The following FIGLA variants were observed in gnomAD, a reference collection of about 807,000 sequenced individuals.
The protein encoded by FIGLA is folliculogenesis specific bHLH transcription factor.
In FIGLA, 17 loss-of-function variants were observed where a neutral mutation model predicts 21.5. The ratio of observed to expected loss-of-function variants is 0.79; its 90% CI spans 0.54 to 1.19. The LOEUF (loss-of-function observed/expected upper bound fraction) is 1.19. Among genes scored for constraint, FIGLA ranks in the 50% most tolerant of loss-of-function variants. FIGLA has a pLI of 0.00. For missense variants in FIGLA, 282 were observed against 285.0 expected (o/e 0.99, Z 0.08); for synonymous variants, 129 against 117.6 (o/e 1.10, Z -0.63).
At chr2:70,782,108 G>A (rs1675866581) in intron 3 of FIGLA, among the ~76,000 whole-genome samples, 1 of 152,112 alleles carries the variant, frequency 6.6e-6, no homozygotes, top group Admixed American at 6.5e-5. Context: ...TGTTTGATGA[G>A]TAATGAGATC....
intron 3 of FIGLA, among the ~76,000 whole-genome samples, chr2:70,780,256 T>G (rs1331026621): frequency 6.6e-6 from 1 of 151,912 alleles, no homozygotes; most frequent in Non-Finnish European, 1.5e-5. Context: ...AAAACGCCCA[T>G]CCCTGCCACT....
rs1342697469 is a variant in FIGLA at position 70,790,618 on chromosome 2, G to A, written c.21C>T (p.Val7=). MDPAPG[V]LDPRAAPPAL... is the part of the protein sequence containing the mutation. Reference sequence around the variant, plus strand: ...CGGGCGGCGCGGCGCGGGGATCTAGGACGCCGGGCGCGGGGTCCATGGCAG... The same window carrying A: ...CGGGCGGCGCGGCGCGGGGATCTAGAACGCCGGGCGCGGGGTCCATGGCAG... Residue 7 remains valine, a synonymous_variant, in exon 1 of 5, where the codon GTC becomes GTT. Transcript: ENST00000332372. The A allele has an allele frequency of 1.3e-5, 18 of 1,426,206 alleles. No homozygotes were observed. The highest frequency in any genetic ancestry group is 3.0e-5 in the African/African-American group (2 of 67,046). 88.3% of individuals were successfully genotyped at this position (1,426,206 alleles called of 1,614,324 possible). A position where few individuals can be genotyped will look rare whatever the true frequency, so the allele number is the denominator to read the frequency against.
At chr2:70,786,883 T>A (rs185724683) in intron 2 of FIGLA, among the ~76,000 whole-genome samples, 1 of 152,178 alleles carries the variant, frequency 6.6e-6, no homozygotes, top group Non-Finnish European at 1.5e-5. Context: ...ATTCTAATGA[T>A]GATTCCTTCC....
Position 70,785,422 on chromosome 2 carries a change from C to A in FIGLA, c.602G>T (p.Arg201Ile), listed in dbSNP as rs1553389776. The change falls in exon 3 of 5, where the codon AGA becomes ATA. Residue 201 changes from arginine to isoleucine, a missense_variant. Transcript: ENST00000332372. ...MSTTEIISPT[R>I]SLDRFPEVEL... ...TAAGAAGGAATATTTTACCAGACTT[C>A]TGGTTGGGGAGATAATTTCAGTCGT... 5 of 1,609,864 alleles carry A rather than the reference C, an allele frequency of 3.1e-6. No homozygotes were observed. Among genetic ancestry groups the A allele is most frequent in the Middle Eastern group, 3.3e-4 (2 of 6,058 alleles).
At chr2:70,783,742 A>T (rs2104599201) in intron 3 of FIGLA, among the ~76,000 whole-genome samples, 1 of 146,106 alleles carries the variant, frequency 6.8e-6, no homozygotes, top group East Asian at 2.0e-4. Context: ...TCTGTCACCC[A>T]GGCTGGAATG....
At chr2:70,789,302 T>C (rs539488627) in intron 1 of FIGLA, among the ~76,000 whole-genome samples, 32 of 152,290 alleles carry the variant, frequency 2.1e-4, no homozygotes, top group African/African-American at 7.5e-4. Flanking sequence ...CTTATCATTA[T>C]AAAGAATAAT....
chr2:70,790,291 G>A, intron 1 of FIGLA, 117 bp downstream of exon 1: 3 of 1,060,182 alleles, frequency 2.8e-6, no homozygotes, highest in Middle Eastern at 2.8e-4. Flanking sequence ...GAGGCCTCGG[G>A]AGCTCGAAGT....
At chr2:70,785,680 G>C in intron 2 of FIGLA, 41 bp from the exon 3 acceptor site, 1 of 1,475,066 alleles carries the variant, frequency 6.8e-7, no homozygotes, top group South Asian at 1.2e-5. Flanking sequence ...TAATATGACA[G>C]AAAGATTTTG....
In FIGLA at chr2:70,777,618, A is replaced by G; in HGVS notation, c.644+19T>C. 1 of 1,601,782 alleles carries G rather than the reference A, an allele frequency of 6.2e-7. No individual in the cohort carries two copies. Among genetic ancestry groups the G allele is most frequent in the African/African-American group, 1.3e-5 (1 of 74,888 alleles). ...GTGTTATAAATTGGCACTATGCATC[A>G]GGTTATAGAATGACCTACCTGTGAC... On this transcript the variant is annotated intron_variant, in intron 4 of 4. Transcript: ENST00000332372.
At chr2:70,784,087 TTA>T (rs113089293) in intron 3 of FIGLA, among the ~76,000 whole-genome samples, 4,901 of 152,250 alleles carry the variant, frequency 0.032, 270 homozygotes, top group African/African-American at 0.11. Context: ...CAGCGAAATC[TTA>T]TATCTCAAGT....
At position 70,790,410 on chromosome 2, in the gene FIGLA, G is replaced by A; in HGVS notation, c.229C>T (p.Arg77Trp). 1 of 1,532,168 alleles carries A rather than the reference G, an allele frequency of 6.5e-7. No homozygotes were observed. Among genetic ancestry groups the A allele is most frequent in the Admixed American group, 2.0e-5 (1 of 49,690 alleles). The allele number at this position is 1,532,168 out of a possible 1,614,324, so 94.9% of individuals were successfully genotyped here. A position where few individuals can be genotyped will look rare whatever the true frequency, so the allele number is the denominator to read the frequency against. Reference protein sequence around the residue: ...RRVANAKERERIKNLNRGFAR... With the variant: ...RRVANAKEREWIKNLNRGFAR... ...CGTCGACCCTAGGGATCCCTCACCC[G>A]CTCACGCTCCTTGGCGTTGGCCACA... is the stretch of plus-strand genomic sequence containing the variant. The change falls in exon 1 of 5, where the codon CGG becomes TGG. Residue 77 changes from arginine (R) to tryptophan (W), a missense_variant and splice_region_variant. Transcript: ENST00000332372.
chr2:70,790,310 GC>G (rs1676037196), intron 1 of FIGLA, 97 bp downstream of exon 1: 21 of 1,301,036 alleles, frequency 1.6e-5, no homozygotes, highest in Non-Finnish European at 2.1e-5. Flanking sequence ...GTCGCCTCGA[GC>G]GGGGGTGGGC....
chr2:70,788,050 CTTCTT>C (rs1187103108), intron 1 of FIGLA, among the ~76,000 whole-genome samples: 6 of 152,224 alleles, frequency 3.9e-5, no homozygotes, highest in Admixed American at 2.0e-4. Context: ...GCTCACTCCT[CTTCTT>C]TTGAGAGCAT....
intron 3 of FIGLA, among the ~76,000 whole-genome samples, chr2:70,783,459 T>C (rs17655643): frequency 0.12 from 18,348 of 152,202 alleles, 1,196 homozygotes; most frequent in East Asian, 0.17. Context: ...TCAAATGTAC[T>C]TGCTACTAGT....
chr2:70,777,378 G>A lies in FIGLA; in HGVS notation c.649C>T (p.Pro217Ser), dbSNP rs1553388440. The A allele has an allele frequency of 6.7e-7, 1 of 1,493,004 alleles. No individual in the cohort carries two copies. 92.5% of individuals were successfully genotyped at this position (1,493,004 alleles called of 1,614,324 possible). The change falls in exon 5 of 5, where the codon CCA becomes TCA. Residue 217 changes from proline to serine, a missense_variant. Coordinates refer to ENST00000332372, the MANE Select transcript of FIGLA (RefSeq NM_001004311.3). ...GGCCTTTTCATTTTTCATACTTGTGGAAGTCTGAAACAGAGAAAACATTCC... is the reference window on the plus strand; with the variant it reads ...GGCCTTTTCATTTTTCATACTTGTGAAAGTCTGAAACAGAGAAAACATTCC... The part of the protein sequence containing the change: ...PEVELLSHRL[P>S]QV
chr2:70,789,635 C>G (rs571788155), intron 1 of FIGLA, among the ~76,000 whole-genome samples: 1 of 152,334 alleles, frequency 6.6e-6, no homozygotes, highest in East Asian at 1.9e-4. Context: ...AACGTGCGCT[C>G]TGCTCCCTCT....
At chr2:70,782,223 G>A (rs1246002004) in intron 3 of FIGLA, among the ~76,000 whole-genome samples, 1 of 152,222 alleles carries the variant, frequency 6.6e-6, no homozygotes, top group Non-Finnish European at 1.5e-5. Context: ...AGTGATCAAA[G>A]TGAATATCCT....
intron 3 of FIGLA, among the ~76,000 whole-genome samples, chr2:70,782,973 A>G (rs1418136641): frequency 6.6e-6 from 1 of 151,066 alleles, no homozygotes; most frequent in East Asian, 1.9e-4. Flanking sequence ...CAGGAGAGTT[A>G]CTTGAACCCG....
intron 3 of FIGLA, among the ~76,000 whole-genome samples, chr2:70,784,397 G>T (rs997366272): frequency 2.6e-5 from 4 of 152,192 alleles, no homozygotes; most frequent in Non-Finnish European, 5.9e-5. Flanking sequence ...CAAGTGACGT[G>T]ACAGGTATTA....
Sources: allele counts gnomAD v4.1 joint callset (sites outside exome capture counted in the v4.1 genomes callset), GRCh38; gene constraint gnomAD v4.1.1; transcripts MANE v1.5; gene names NCBI Gene and HGNC (gene_info 2026-07-23, HGNC 2026-07-21).